PDE4D: variants seen among roughly 807,000 people sequenced by gnomAD.
PDE4D encodes phosphodiesterase 4D, also known as 3',5'-cyclic-AMP phosphodiesterase 4D.
In PDE4D, 24 loss-of-function variants were observed where a neutral mutation model predicts 87.4. The observed-to-expected ratio is 0.27, with a 90% CI of 0.20 to 0.39. The LOEUF (loss-of-function observed/expected upper bound fraction) is 0.39. Among genes scored for constraint, PDE4D ranks in the 10% least tolerant of loss-of-function variants. The pLI is 1.00. For missense variants in PDE4D, 714 were observed against 1,041.0 expected (o/e 0.69, Z 4.32); for synonymous variants, 384 against 383.2 (o/e 1.00, Z -0.02).
At chr5:59,695,976 G>A (rs1438640068) in intron 1 of PDE4D, among the ~76,000 whole-genome samples, 1 of 151,986 alleles carries the variant, frequency 6.6e-6, no homozygotes, top group Non-Finnish European at 1.5e-5. Flanking sequence ...CTCGACATGT[G>A]GAAATATTAT....
rs985464654 is a variant in PDE4D, at chr5:59,396,356, G to C, written c.456-180388C>G. ...AGAAAGGTCGGGTTACCCTCAAAGG[G>C]AAGCCCATCAGACTAACAGCAGATC... On this transcript the variant is annotated intron_variant, in intron 1 of 14. Transcript: ENST00000340635. Among the ~76,000 whole-genome samples the C allele has an allele frequency of 6.2e-5, 6 of 97,372 alleles. 2 individuals carry two copies. The highest frequency in any genetic ancestry group is 5.0e-4 in the Admixed American group (5 of 10,004). 63.9% of individuals were successfully genotyped at this position (97,372 alleles called of 152,430 possible). A position where few individuals can be genotyped will look rare whatever the true frequency, so the allele number is the denominator to read the frequency against.
At chr5:60,320,495 C>A (rs1756144463) in intron 1 of PDE4D, among the ~76,000 whole-genome samples, 1 of 152,160 alleles carries the variant, frequency 6.6e-6, no homozygotes, top group Non-Finnish European at 1.5e-5. Context: ...TGTCCTGCAC[C>A]CACTTTCCGA....
intron 1 of PDE4D, among the ~76,000 whole-genome samples, chr5:59,758,130 A>C (rs2150761773): frequency 6.6e-6 from 1 of 152,306 alleles, no homozygotes; most frequent in Middle Eastern, 3.4e-3. Flanking sequence ...CACGATGGAG[A>C]GTTAGGAAGA....
At chr5:59,475,017 A>C (rs1803073754) in intron 1 of PDE4D, among the ~76,000 whole-genome samples, 1 of 151,988 alleles carries the variant, frequency 6.6e-6, no homozygotes, top group Admixed American at 6.6e-5. Flanking sequence ...TTTGAGTTGG[A>C]AGTAAGAGAA....
intron 1 of PDE4D, among the ~76,000 whole-genome samples, chr5:59,803,447 C>T (rs572646281): frequency 3.8e-4 from 57 of 151,914 alleles, no homozygotes; most frequent in Non-Finnish European, 6.6e-4. Flanking sequence ...TACAGGTGCC[C>T]GCCATCACGC....
At chr5:60,101,303 C>G (rs927719773) in intron 2 of PDE4D, among the ~76,000 whole-genome samples, 6 of 152,170 alleles carry the variant, frequency 3.9e-5, no homozygotes, top group African/African-American at 1.4e-4. Flanking sequence ...TGCCTTCATC[C>G]ATTTTCAAGT....
intron 1 of PDE4D, 58 bp downstream of exon 1, chr5:59,893,110 T>G: frequency 6.7e-7 from 1 of 1,483,020 alleles, no homozygotes; most frequent in Non-Finnish European, 9.1e-7. Flanking sequence ...GATGGAGTAT[T>G]TGAGAAAAGG....
chr5:59,118,402 C>T (rs774064243), intron 5 of PDE4D, among the ~76,000 whole-genome samples: 24 of 152,246 alleles, frequency 1.6e-4, no homozygotes, highest in East Asian at 3.9e-4. Flanking sequence ...TTTCCACCTG[C>T]GTATCTCATG....
intron 1 of PDE4D, among the ~76,000 whole-genome samples, chr5:60,284,899 G>A (rs968263868): frequency 1.4e-5 from 2 of 146,520 alleles, no homozygotes; most frequent in African/African-American, 5.4e-5. Context: ...CTCTTTTGAT[G>A]TAGAGCCAAG....
upstream of PDE4D, among the ~76,000 whole-genome samples, chr5:59,894,497 C>T (rs887008762): frequency 6.6e-6 from 1 of 152,140 alleles, no homozygotes; most frequent in Non-Finnish European, 1.5e-5. Flanking sequence ...GGAGAATGCC[C>T]AATGTTTCCT....
At chr5:59,199,584 C>T (rs1746264672) in intron 2 of PDE4D, among the ~76,000 whole-genome samples, 1 of 152,074 alleles carries the variant, frequency 6.6e-6, no homozygotes, top group Non-Finnish European at 1.5e-5. Context: ...TTTCTTTCCT[C>T]AGCCTAAAAA....
chr5:60,413,718 T>TC (rs992772332), intron 1 of PDE4D, among the ~76,000 whole-genome samples: 1 of 151,432 alleles, frequency 6.6e-6, no homozygotes, highest in African/African-American at 2.4e-5. Flanking sequence ...TTCGTTTATT[T>TC]TTTTTTTTTT....
At chr5:59,600,263 G>A (rs754572497) in intron 1 of PDE4D, among the ~76,000 whole-genome samples, 2 of 152,146 alleles carry the variant, frequency 1.3e-5, no homozygotes, top group African/African-American at 2.4e-5. Context: ...TTGGACTCAC[G>A]GCACTACTCA....
rs543765221 is a variant in PDE4D, at chr5:60,265,821, C to T, written c.-89-80134G>A. Among the ~76,000 whole-genome samples, 297 of 152,246 alleles carry T rather than the reference C, an allele frequency of 2.0e-3. 2 individuals carry two copies. The highest frequency in any genetic ancestry group is 4.2e-3 in the Admixed American group (64 of 15,288). On this transcript the variant is annotated intron_variant, in intron 1 of 16. Coordinates refer to the PDE4D transcript ENST00000502484. ...TCACACCTCCTGCCAAGCTGAGCCC[C>T]GAGTCAGGGCAGAGGAGAGCAAGGT...
chr5:59,579,986 A>C (rs1428736839), intron 1 of PDE4D, among the ~76,000 whole-genome samples: 1 of 152,232 alleles, frequency 6.6e-6, no homozygotes, highest in African/African-American at 2.4e-5. Context: ...TTGTTCTAAC[A>C]TTAAAAGGAA....
chr5:59,386,943 C>T (rs1258891193), intron 1 of PDE4D, among the ~76,000 whole-genome samples: 1 of 152,146 alleles, frequency 6.6e-6, no homozygotes, highest in Non-Finnish European at 1.5e-5. Flanking sequence ...TTCTCCATTA[C>T]ATCAAATTGC....
intron 1 of PDE4D, among the ~76,000 whole-genome samples, chr5:59,528,467 G>C (rs1813560930): frequency 6.6e-6 from 1 of 152,166 alleles, no homozygotes; most frequent in Non-Finnish European, 1.5e-5. Context: ...CAAGAGAGAA[G>C]GAGATGGTGC....
intron 1 of PDE4D, among the ~76,000 whole-genome samples, chr5:59,478,475 T>C (rs1430037617): frequency 1.3e-5 from 2 of 152,112 alleles, no homozygotes; most frequent in Non-Finnish European, 2.9e-5. Flanking sequence ...ACTTCTGAAG[T>C]TTCTGTTTAT....
At chr5:60,311,823 T>A (rs1219002709) in intron 1 of PDE4D, among the ~76,000 whole-genome samples, 2 of 152,152 alleles carry the variant, frequency 1.3e-5, no homozygotes, top group Admixed American at 6.5e-5. Flanking sequence ...AAGAGACCCA[T>A]CTCACATGCA....
Sources: allele counts gnomAD v4.1 joint callset (sites outside exome capture counted in the v4.1 genomes callset), GRCh38; gene constraint gnomAD v4.1.1; transcripts MANE v1.5; gene names NCBI Gene and HGNC (gene_info 2026-07-23, HGNC 2026-07-21).